Variants in ANKS1B observed in about 807,000 individuals in gnomAD.
ANKS1B encodes ankyrin repeat and sterile alpha motif domain containing 1B.
ANKS1B carries 36 observed loss-of-function variants against 148.3 expected under a neutral mutation model. The observed-to-expected ratio is 0.24, with a 90% CI of 0.19 to 0.32. ANKS1B has a LOEUF of 0.32. Ranked by LOEUF, ANKS1B falls within the 10% of genes least tolerant of loss-of-function variation. The pLI, the probability that ANKS1B is intolerant of heterozygous loss-of-function variation, is 1.00. For missense variants in ANKS1B, 1,157 were observed against 1,542.6 expected, an observed-to-expected ratio of 0.75 and a Z score of 4.19; for synonymous variants, 542 against 560.8, an observed-to-expected ratio of 0.97 and a Z score of 0.47.
chr12:99,136,334 T>C (rs1210064956), intron 15 of ANKS1B, among the ~76,000 whole-genome samples: 1 of 152,118 alleles, frequency 6.6e-6, no homozygotes, highest in East Asian at 1.9e-4. Context: ...GGGACCACCA[T>C]ACAGTACAGA....
intron 17 of ANKS1B, among the ~76,000 whole-genome samples, chr12:98,892,575 T>C (rs1362810934): frequency 1.3e-5 from 2 of 152,228 alleles, no homozygotes; most frequent in Non-Finnish European, 2.9e-5. Flanking sequence ...TGCATCAGAA[T>C]TCGATTCATG....
chr12:99,604,361 A>G (rs1411888163), intron 9 of ANKS1B, among the ~76,000 whole-genome samples: 1 of 152,056 alleles, frequency 6.6e-6, no homozygotes, highest in Non-Finnish European at 1.5e-5. Context: ...AAATAAGCCA[A>G]CTGGCTTATT....
intron 1 of ANKS1B, among the ~76,000 whole-genome samples, chr12:99,963,204 T>A (rs755697832): frequency 6.6e-6 from 1 of 151,986 alleles, no homozygotes. Context: ...TCTGATGGGG[T>A]TTTTTCTTGT....
chr12:99,369,558 TGATTA>T (rs1394724462), intron 12 of ANKS1B, among the ~76,000 whole-genome samples: 1 of 152,158 alleles, frequency 6.6e-6, no homozygotes, highest in Non-Finnish European at 1.5e-5. Context: ...TGAAATAGGC[TGATTA>T]GATATCACTT....
chr12:99,938,072 G>T (rs1566039380), intron 1 of ANKS1B, among the ~76,000 whole-genome samples: 1 of 152,122 alleles, frequency 6.6e-6, no homozygotes, highest in Non-Finnish European at 1.5e-5. Context: ...CTTGTTTCTA[G>T]TCAAAAGAAT....
At chr12:99,278,252 A>G (rs1259757151) in intron 12 of ANKS1B, among the ~76,000 whole-genome samples, 1 of 152,194 alleles carries the variant, frequency 6.6e-6, no homozygotes, top group African/African-American at 2.4e-5. Flanking sequence ...GGAAACTTTC[A>G]TGCAGTCTTC....
chr12:99,066,282 C>A (rs1209801140), intron 16 of ANKS1B, among the ~76,000 whole-genome samples: 2 of 152,060 alleles, frequency 1.3e-5, no homozygotes. Flanking sequence ...GATTGTGCCA[C>A]TGCACTCCAG....
intron 8 of ANKS1B, among the ~76,000 whole-genome samples, chr12:99,726,588 G>A (rs2058642368): frequency 6.6e-6 from 1 of 152,114 alleles, no homozygotes; most frequent in Non-Finnish European, 1.5e-5. Flanking sequence ...CATTCCTTCT[G>A]AATATGATCC....
chr12:99,509,461 T>A (rs1419386071), intron 9 of ANKS1B, among the ~76,000 whole-genome samples: 1 of 151,900 alleles, frequency 6.6e-6, no homozygotes, highest in Non-Finnish European at 1.5e-5. Flanking sequence ...TTATTGCTGA[T>A]ATGGAGAAAG....
intron 12 of ANKS1B, among the ~76,000 whole-genome samples, chr12:99,350,347 T>C (rs1192116145): frequency 2.0e-5 from 3 of 151,960 alleles, no homozygotes; most frequent in African/African-American, 4.8e-5. Flanking sequence ...GTATTTTTTT[T>C]ATAGCCGTGC....
At chr12:99,394,152 C>G (rs2094166215) in intron 12 of ANKS1B, among the ~76,000 whole-genome samples, 1 of 152,134 alleles carries the variant, frequency 6.6e-6, no homozygotes. Flanking sequence ...TCTCTCTTTC[C>G]TCAAACTCTA....
intron 1 of ANKS1B, among the ~76,000 whole-genome samples, chr12:99,842,493 C>G (rs1340763878): frequency 6.6e-6 from 1 of 152,106 alleles, no homozygotes; most frequent in Non-Finnish European, 1.5e-5. Flanking sequence ...TAGCAAGAAC[C>G]TCCACCCTTG....
intron 10 of ANKS1B, among the ~76,000 whole-genome samples, chr12:99,464,628 A>C (rs2096063409): frequency 6.6e-6 from 1 of 152,256 alleles, no homozygotes; most frequent in South Asian, 2.1e-4. Flanking sequence ...CCAAGGCTCG[A>C]GAACTACGTG....
intron 12 of ANKS1B, among the ~76,000 whole-genome samples, chr12:99,353,446 A>C (rs535025642): frequency 6.6e-6 from 1 of 152,186 alleles, no homozygotes; most frequent in Non-Finnish European, 1.5e-5. Flanking sequence ...CAAAAACCAC[A>C]ATAAGATACC....
chr12:99,311,396 T>C (rs1055536365), intron 12 of ANKS1B, among the ~76,000 whole-genome samples: 1 of 152,132 alleles, frequency 6.6e-6, no homozygotes, highest in African/African-American at 2.4e-5. Context: ...GCTGGATGTA[T>C]GTCTTAAGTG....
chr12:99,660,576 T>C (rs1007495258), intron 8 of ANKS1B, among the ~76,000 whole-genome samples: 1 of 152,024 alleles, frequency 6.6e-6, no homozygotes, highest in African/African-American at 2.4e-5. Context: ...TTGGCCAAGC[T>C]GGTCTTGAAC....
At chr12:99,061,497 G>T (rs2042442173) in intron 16 of ANKS1B, among the ~76,000 whole-genome samples, 1 of 152,200 alleles carries the variant, frequency 6.6e-6, no homozygotes, top group African/African-American at 2.4e-5. Flanking sequence ...AATGCTGTCA[G>T]CCCATGAACC....
intron 12 of ANKS1B, among the ~76,000 whole-genome samples, chr12:99,251,410 G>T (rs922634222): frequency 6.6e-6 from 1 of 152,150 alleles, no homozygotes; most frequent in Non-Finnish European, 1.5e-5. Flanking sequence ...ACTTTGGAAA[G>T]AATTTTTTGT....
chr12:99,193,015 A>G (rs1340444226), intron 14 of ANKS1B, among the ~76,000 whole-genome samples: 1 of 152,212 alleles, frequency 6.6e-6, no homozygotes, highest in East Asian at 1.9e-4. Flanking sequence ...ACTTTAATAT[A>G]TTCTGTCTTC....
Sources: allele counts gnomAD v4.1 joint callset (sites outside exome capture counted in the v4.1 genomes callset), GRCh38; gene constraint gnomAD v4.1.1; transcripts MANE v1.5; gene names NCBI Gene and HGNC (gene_info 2026-07-23, HGNC 2026-07-21).